The following LUZP2 variants were observed in gnomAD, a reference collection of about 807,000 sequenced individuals.
LUZP2 encodes leucine zipper protein 2.
Under a neutral mutation model 51.6 loss-of-function variants are expected in LUZP2, and 52 were observed. The ratio of observed to expected loss-of-function variants is 1.01; its 90% CI spans 0.81 to 1.27. The LOEUF (loss-of-function observed/expected upper bound fraction) is 1.27, where lower values mean the gene tolerates loss of function less well. LUZP2 is among the 50% of genes most tolerant of loss of function. The pLI is 0.00. For missense variants in LUZP2, 436 were observed against 395.4 expected (o/e 1.10, Z -0.87); for synonymous variants, 154 against 137.3 (o/e 1.12, Z -0.85).
chr11:24,969,853 A>G (rs7118893), intron 7 of LUZP2, among the ~76,000 whole-genome samples: 58,322 of 151,922 alleles, frequency 0.38, 12,989 homozygotes, highest in East Asian at 0.72. Flanking sequence ...TTAGGAGGCC[A>G]GTCCATCTCA....
chr11:24,862,830 C>G (rs1851780491), intron 5 of LUZP2, among the ~76,000 whole-genome samples: 1 of 152,130 alleles, frequency 6.6e-6, no homozygotes, highest in Admixed American at 6.6e-5. Flanking sequence ...AACTTGAATT[C>G]AGAATATATA....
Position 24,776,960 on chromosome 11 carries a change from C to T in LUZP2, c.396+13652C>T, listed in dbSNP as rs548266648. On this transcript the variant is annotated intron_variant, in intron 5 of 11. Transcript: ENST00000336930. ...TATACAGCCTTCATTCCCAACAGGG[C>T]AAGGGTTCCATCCCCTTGGTGACAC... 3.3e-5 allele frequency among the ~76,000 whole-genome samples: 5 copies of T among 151,042 alleles called. No individual in the cohort carries two copies. The South Asian group carries it at 1.0e-3, about 32-fold the overall frequency.
At chr11:25,038,079 T>C (rs1857919885) in intron 9 of LUZP2, among the ~76,000 whole-genome samples, 1 of 151,990 alleles carries the variant, frequency 6.6e-6, no homozygotes, top group African/African-American at 2.4e-5. Context: ...TTATTATTTT[T>C]ATATTAATAT....
intron 5 of LUZP2, among the ~76,000 whole-genome samples, chr11:24,819,070 C>T (rs968998638): frequency 1.3e-5 from 2 of 151,892 alleles, no homozygotes; most frequent in East Asian, 1.9e-4. Context: ...AGGGAAGACA[C>T]AATCTGGGTG....
chr11:24,550,456 GTAAT>G (rs1490579409), intron 1 of LUZP2, among the ~76,000 whole-genome samples: 1 of 152,034 alleles, frequency 6.6e-6, no homozygotes, highest in Non-Finnish European at 1.5e-5. Flanking sequence ...AACTGGAAGA[GTAAT>G]TAAATATCTT....
chr11:24,841,738 A>C (rs2134201571), intron 5 of LUZP2, among the ~76,000 whole-genome samples: 1 of 152,248 alleles, frequency 6.6e-6, no homozygotes, highest in African/African-American at 2.4e-5. Context: ...GCACATAGAT[A>C]TTCTAGGCCT....
chr11:24,940,782 T>C (rs1289439668), intron 7 of LUZP2, among the ~76,000 whole-genome samples: 1 of 152,182 alleles, frequency 6.6e-6, no homozygotes, highest in Non-Finnish European at 1.5e-5. Flanking sequence ...AAGCTTTTCC[T>C]ATTCTTGAGT....
chr11:24,642,618 C>A (rs1373231256), intron 1 of LUZP2, among the ~76,000 whole-genome samples: 1 of 151,692 alleles, frequency 6.6e-6, no homozygotes, highest in Non-Finnish European at 1.5e-5. Context: ...ATTTGGTTGA[C>A]ACAGTGGGGA....
intron 1 of LUZP2, among the ~76,000 whole-genome samples, chr11:24,617,313 TG>T (rs1360482774): frequency 6.6e-6 from 1 of 152,186 alleles, no homozygotes; most frequent in African/African-American, 2.4e-5. Context: ...AATCCAATTT[TG>T]CCTTATTTTT....
chr11:24,866,370 T>G (rs1433690095), intron 5 of LUZP2, among the ~76,000 whole-genome samples: 2 of 152,152 alleles, frequency 1.3e-5, no homozygotes. Flanking sequence ...CTGGACATAT[T>G]TCTTGTTGAA....
intron 1 of LUZP2, among the ~76,000 whole-genome samples, chr11:24,728,373 T>C (rs966105111): frequency 4.6e-5 from 7 of 152,004 alleles, no homozygotes; most frequent in African/African-American, 1.7e-4. Context: ...CCATTTTGTA[T>C]GTTTTGCTGA....
At position 24,880,036 on chromosome 11, in the gene LUZP2, T is replaced by C. The variant is rs76619753; in HGVS notation, c.397-25955T>C. Among the ~76,000 whole-genome samples the C allele has an allele frequency of 6.7e-3, 1,018 of 152,134 alleles. 14 individuals carry two copies. Among genetic ancestry groups the C allele is most frequent in the East Asian group, 0.057 (295 of 5,156 alleles). On this transcript the variant is annotated intron_variant, in intron 5 of 11. Coordinates refer to ENST00000336930, the MANE Select transcript of LUZP2 (RefSeq NM_001009909.4). ...CTCAGCAATAGGGCTTGCCTAGGAG[T>C]TGTAGTCCTTGTGCCCTAGACTTCC...
intron 1 of LUZP2, among the ~76,000 whole-genome samples, chr11:24,663,259 T>C (rs901131068): frequency 6.6e-6 from 1 of 152,076 alleles, no homozygotes; most frequent in Non-Finnish European, 1.5e-5. Context: ...TGATAGTGAG[T>C]GAGTGCTCAT....
chr11:24,959,473 C>T (rs1206964361), intron 7 of LUZP2, among the ~76,000 whole-genome samples: 3 of 152,102 alleles, frequency 2.0e-5, no homozygotes, highest in Non-Finnish European at 4.4e-5. Context: ...TCCTTCACGT[C>T]CCTTGTAAGT....
chr11:24,920,245 A>G (rs1027753879), intron 7 of LUZP2, among the ~76,000 whole-genome samples: 1 of 152,034 alleles, frequency 6.6e-6, no homozygotes, highest in Admixed American at 6.6e-5. Context: ...AAACAATTTT[A>G]AAATACCATG....
chr11:25,077,595 G>A (rs1488056976), intron 11 of LUZP2, among the ~76,000 whole-genome samples, 189 bp downstream of exon 11: 1 of 151,666 alleles, frequency 6.6e-6, no homozygotes, highest in Non-Finnish European at 1.5e-5. Flanking sequence ...CACCTCCAGG[G>A]CTCACACCAT....
chr11:24,534,107 G>A lies in LUZP2; in HGVS notation c.62+36802G>A, dbSNP rs553598959. 2.6e-5 allele frequency among the ~76,000 whole-genome samples: 4 copies of A among 151,244 alleles called. No individual in the cohort carries two copies. In the South Asian group the frequency reaches 6.2e-4, roughly 24 times the overall value. Reference sequence around the variant, plus strand: ...TGTATTTACAATTTGTTGAATCCAGGTCTCCAAATCTTTTCAGTGTCTTAA... The same window carrying A: ...TGTATTTACAATTTGTTGAATCCAGATCTCCAAATCTTTTCAGTGTCTTAA... On this transcript the variant is annotated intron_variant, in intron 1 of 11. Coordinates refer to ENST00000336930, the MANE Select transcript of LUZP2 (RefSeq NM_001009909.4).
chr11:24,714,697 G>A (rs772108242), intron 1 of LUZP2, among the ~76,000 whole-genome samples: 10 of 152,134 alleles, frequency 6.6e-5, no homozygotes, highest in Non-Finnish European at 1.5e-4. Flanking sequence ...ACATGCTCAT[G>A]AATCCTCCAA....
intron 1 of LUZP2, among the ~76,000 whole-genome samples, chr11:24,567,859 G>A (rs1852293748): frequency 6.6e-6 from 1 of 152,102 alleles, no homozygotes; most frequent in Non-Finnish European, 1.5e-5. Context: ...AGCATGAAAG[G>A]AAGTGATACA....
Sources: allele counts gnomAD v4.1 joint callset (sites outside exome capture counted in the v4.1 genomes callset), GRCh38; gene constraint gnomAD v4.1.1; transcripts MANE v1.5; gene names NCBI Gene and HGNC (gene_info 2026-07-23, HGNC 2026-07-21).